The following PDE7B variants were observed in gnomAD, a reference collection of about 807,000 sequenced individuals.
The protein encoded by PDE7B is 3',5'-cyclic-AMP phosphodiesterase 7B.
Under a neutral mutation model 56.2 loss-of-function variants are expected in PDE7B, and 29 were observed. The observed-to-expected ratio is 0.52, with a 90% confidence interval of 0.38 to 0.70. The LOEUF is 0.70. Among genes scored for constraint, PDE7B ranks in the 30% least tolerant of loss-of-function variants. The pLI, the probability that PDE7B is intolerant of heterozygous loss-of-function variation, is 0.00. For synonymous variants in PDE7B, 197 were observed against 196.9 expected (o/e 1.00, Z 0.00); for missense variants, 490 against 565.0 (o/e 0.87, Z 1.35).
intron 8 of PDE7B, chr6:136,156,202 T>TGTGTG (rs1562508366): frequency 1.0e-3 from 330 of 324,534 alleles, no homozygotes; most frequent in Middle Eastern, 2.2e-3. Context: ...TGTGTGTGTG[T>TGTGTG]TTTCAGAAAC....
chr6:136,010,812 GA>G (rs2128207169), intron 2 of PDE7B, among the ~76,000 whole-genome samples: 1 of 152,134 alleles, frequency 6.6e-6, no homozygotes, highest in Non-Finnish European at 1.5e-5. Flanking sequence ...AGAGATTAAG[GA>G]AAAAGAACCA....
At chr6:135,944,694 T>C (rs977775121) in intron 1 of PDE7B, among the ~76,000 whole-genome samples, 1 of 152,108 alleles carries the variant, frequency 6.6e-6, no homozygotes, top group Non-Finnish European at 1.5e-5. Context: ...CAAAAACTCC[T>C]CCTGAATTTG....
At chr6:136,136,739 T>C (rs1299376868) in intron 3 of PDE7B, among the ~76,000 whole-genome samples, 1 of 137,462 alleles carries the variant, frequency 7.3e-6, no homozygotes, top group Non-Finnish European at 1.6e-5. Context: ...TTATAAGAAG[T>C]GAAAATAAAA....
Position 135,950,983 on chromosome 6 carries a change from G to T in PDE7B, c.82+3459G>T, listed in dbSNP as rs74663857. ...TACTGTCATGTATGAGTCTTGCAGGGAATTATTTCTGGCTTCAAGAGAATA... is the reference window on the plus strand; with the variant it reads ...TACTGTCATGTATGAGTCTTGCAGGTAATTATTTCTGGCTTCAAGAGAATA... On this transcript the variant is annotated intron_variant, in intron 2 of 12. Coordinates refer to ENST00000308191, the MANE Select transcript of PDE7B (RefSeq NM_018945.4). Among the ~76,000 whole-genome samples, 1,177 of 152,250 alleles carry T rather than the reference G, an allele frequency of 7.7e-3. 50 individuals are homozygous for T. In the East Asian group the frequency reaches 0.11, roughly 14 times the overall value.
At chr6:136,029,678 TAGA>T (rs753289126) in intron 2 of PDE7B, among the ~76,000 whole-genome samples, 6 of 152,138 alleles carry the variant, frequency 3.9e-5, no homozygotes, top group Non-Finnish European at 7.4e-5. Context: ...ATTTTCAAAA[TAGA>T]AGGAGAAAAA....
In PDE7B at chr6:136,040,437, T is replaced by C. The variant is rs371144451; in HGVS notation, c.83-68294T>C. ...ATGAGTGGCTTCACTTTCCAAACTGTCTCTTACCTTCTTCCTTACTCATCC... is the reference window on the plus strand; with the variant it reads ...ATGAGTGGCTTCACTTTCCAAACTGCCTCTTACCTTCTTCCTTACTCATCC... On this transcript the variant is annotated intron_variant, in intron 2 of 12. Transcript: ENST00000308191. 3.9e-5 allele frequency among the ~76,000 whole-genome samples: 6 copies of C among 152,184 alleles called. No homozygotes were observed. In the East Asian group the frequency reaches 9.6e-4, roughly 24 times the overall value.
intron 2 of PDE7B, among the ~76,000 whole-genome samples, chr6:136,004,572 G>C (rs1481709630): frequency 6.6e-6 from 1 of 151,624 alleles, no homozygotes; most frequent in Non-Finnish European, 1.5e-5. Flanking sequence ...GACAAACAGA[G>C]AGCCAAATCA....
intron 2 of PDE7B, among the ~76,000 whole-genome samples, chr6:136,058,268 A>G (rs1776773355): frequency 6.6e-6 from 1 of 152,224 alleles, no homozygotes. Context: ...GTTATGTTCA[A>G]GAAAAACCAT....
intron 1 of PDE7B, among the ~76,000 whole-genome samples, chr6:135,932,688 C>T (rs190962115): frequency 3.3e-5 from 5 of 152,256 alleles, no homozygotes; most frequent in Non-Finnish European, 7.4e-5. Flanking sequence ...ATTCCAGAAA[C>T]AAGGAAGCAG....
chr6:135,864,525 C>T (rs1341281495), intron 1 of PDE7B, among the ~76,000 whole-genome samples: 1 of 151,922 alleles, frequency 6.6e-6, no homozygotes, highest in Non-Finnish European at 1.5e-5. Context: ...ATTGTATTGT[C>T]TTATCACTTT....
chr6:135,969,203 G>A (rs1775050621), intron 2 of PDE7B, among the ~76,000 whole-genome samples: 1 of 152,002 alleles, frequency 6.6e-6, no homozygotes. Context: ...ATGTATGCTG[G>A]ACTTAATACC....
At chr6:135,891,618 C>G (rs1775811595) in intron 1 of PDE7B, among the ~76,000 whole-genome samples, 1 of 152,200 alleles carries the variant, frequency 6.6e-6, no homozygotes, top group African/African-American at 2.4e-5. Context: ...CACAGTGTTT[C>G]AAAATGTGCA....
rs1239461089 is a variant in PDE7B, at chr6:135,863,055, T to C, written c.21+11036T>C. ...TTAAGATCTTTGAATTTTTTGAAAC[T>C]TGAATGTATAACCGAATATATAGTC... On this transcript the variant is annotated intron_variant, in intron 1 of 12. Transcript: ENST00000308191. 3.3e-5 allele frequency among the ~76,000 whole-genome samples: 5 copies of C among 151,958 alleles called. No homozygotes were observed. In the East Asian group the frequency reaches 9.6e-4, roughly 29 times the overall value.
At chr6:135,864,953 C>G (rs1194505065) in intron 1 of PDE7B, among the ~76,000 whole-genome samples, 1 of 129,540 alleles carries the variant, frequency 7.7e-6, no homozygotes, top group South Asian at 3.1e-4. Flanking sequence ...CCCCCCACCC[C>G]ACAACAGGCC....
Position 136,181,315 on chromosome 6 carries a change from A to G in PDE7B, c.1037A>G (p.Tyr346Cys), listed in dbSNP as rs1179079464. 2 of 1,600,428 alleles carry G rather than the reference A, an allele frequency of 1.2e-6. No homozygotes were observed. The highest frequency in any genetic ancestry group is 2.2e-5 in the East Asian group (1 of 44,828). ...QWSERVCEEF[Y>C]RQGELEQKFE... ...AGTGAAAGGGTCTGTGAAGAATTCTACAGGCAAGGTTAGTAGTGATCCAAC... is the reference window on the plus strand; with the variant it reads ...AGTGAAAGGGTCTGTGAAGAATTCTGCAGGCAAGGTTAGTAGTGATCCAAC... Residue 346 changes from tyrosine (Y) to cysteine (C), a missense_variant, in exon 11 of 13, where the codon TAC (tyrosine) becomes TGC (cysteine). Physicochemically the swap from Tyr to Cys is radical, Grantham distance 194 (BLOSUM62 -2). Transcript: ENST00000308191.
At chr6:136,155,874 G>A in intron 8 of PDE7B, 116 bp downstream of exon 8, 1 of 1,121,272 alleles carries the variant, frequency 8.9e-7, no homozygotes, top group Non-Finnish European at 1.3e-6. Context: ...GAAGTTCAAA[G>A]ACGAATGAAA....
intron 1 of PDE7B, among the ~76,000 whole-genome samples, chr6:135,923,195 A>G (rs1483494923): frequency 1.3e-5 from 2 of 152,210 alleles, no homozygotes; most frequent in African/African-American, 4.8e-5. Flanking sequence ...ACAAAATAGA[A>G]TATTTCTCTT....
At chr6:135,976,357 C>A (rs796600780) in intron 2 of PDE7B, among the ~76,000 whole-genome samples, 7 of 152,200 alleles carry the variant, frequency 4.6e-5, no homozygotes, top group African/African-American at 1.7e-4. Context: ...AGTTCTCAGC[C>A]CCCATAAAGG....
intron 1 of PDE7B, among the ~76,000 whole-genome samples, chr6:135,940,370 A>G (rs9494425): frequency 0.014 from 2,136 of 152,308 alleles, 51 homozygotes; most frequent in African/African-American, 0.047. Context: ...AGAGTAGGCT[A>G]CAAACTTCTT....
Sources: allele counts gnomAD v4.1 joint callset (sites outside exome capture counted in the v4.1 genomes callset), GRCh38; gene constraint gnomAD v4.1.1; transcripts MANE v1.5; gene names NCBI Gene and HGNC (gene_info 2026-07-23, HGNC 2026-07-21).